Variants in GRK1 observed in about 807,000 individuals in gnomAD.
GRK1 encodes G protein-coupled receptor kinase 1.
In GRK1, 28 loss-of-function variants were observed where a neutral mutation model predicts 41.7. The observed-to-expected ratio is 0.67, with a 90% confidence interval of 0.50 to 0.92. GRK1 has a LOEUF of 0.92. GRK1 is among the 40% of genes least tolerant of loss of function. The probability of loss-of-function intolerance (pLI) is 0.00; values close to 1 mark genes in which losing one functional copy is unlikely to be tolerated. For missense variants in GRK1, 703 were observed against 671.2 expected (o/e 1.05, Z -0.52); for synonymous variants, 327 against 286.7 (o/e 1.14, Z -1.42).
the GRK1 span, among the ~76,000 whole-genome samples, chr13:113,654,413 C>T: frequency 1.1e-4 from 17 of 152,240 alleles, no homozygotes; most frequent in East Asian, 1.9e-4. Context: ...CGGGTGTGCT[C>T]CTTGGAAACT....
chr13:113,669,176 C>T (rs138762361), intron 1 of GRK1, among the ~76,000 whole-genome samples: 27 of 152,362 alleles, frequency 1.8e-4, no homozygotes, highest in Admixed American at 8.5e-4. Flanking sequence ...GGGCCTCCGA[C>T]ATCAGGAATT....
In GRK1 at chr13:113,671,524, G is replaced by C. The variant is rs775191935; in HGVS notation, c.853G>C (p.Glu285Gln). 3.8e-6 allele frequency: 3 copies of C among 779,456 alleles called. No individual in the cohort carries two copies. The allele number at this position is 779,456 out of a possible 1,614,324, so 48.3% of individuals were successfully genotyped here. A position where few individuals can be genotyped will look rare whatever the true frequency, so the allele number is the denominator to read the frequency against. ...GTACCACATCTACAACGTGAATGAG[G>C]AGAACCCTGGCTTCCCGGAGCCGCG... Reference protein sequence around the residue: ...IRYHIYNVNEENPGFPEPRAL... With the variant: ...IRYHIYNVNEQNPGFPEPRAL... The change falls in exon 3 of 7, where the codon GAG becomes CAG. Residue 285 changes from glutamate (E) to glutamine (Q), a missense_variant. Physicochemically the swap from Glu to Gln is conservative, Grantham distance 29 (BLOSUM62 2). Transcript: ENST00000335678. This position sits in a 1 kb window ranked among gnomAD's most constrained non-coding sequence, Gnocchi z 4.1.
the GRK1 span, among the ~76,000 whole-genome samples, chr13:113,648,538 G>A: frequency 1.3e-5 from 2 of 152,214 alleles, no homozygotes; most frequent in Non-Finnish European, 2.9e-5. Flanking sequence ...AGCAAGAGCA[G>A]GTTTGCTTGT....
At chr13:113,669,212 C>G (rs1376204797) in intron 1 of GRK1, among the ~76,000 whole-genome samples, 1 of 152,208 alleles carries the variant, frequency 6.6e-6, no homozygotes, top group African/African-American at 2.4e-5. Flanking sequence ...GATGTGCTAT[C>G]CTTATCCAGA....
In GRK1 at chr13:113,735,191, A is replaced by G; in HGVS notation, c.1520A>G (p.Gln507Arg). 3 of 1,537,226 alleles carry G rather than the reference A, an allele frequency of 2.0e-6. No individual in the cohort carries two copies. Among genetic ancestry groups the G allele is most frequent in the Non-Finnish European group, 1.7e-6 (2 of 1,146,904 alleles). Residue 507 changes from glutamine (Q) to arginine (R), a missense_variant, in exon 7 of 7, where the codon CAG (glutamine) becomes CGG (arginine). Transcript: ENST00000335678. ...GACAAAACAGACACAGAATTCTTTC[A>G]GGAATTTGCCACTGGCAACTGCCCC... ...AFDKTDTEFF[Q>R]EFATGNCPIP...
the GRK1 span, among the ~76,000 whole-genome samples, chr13:113,651,149 C>T: frequency 2.6e-5 from 4 of 151,752 alleles, no homozygotes; most frequent in Non-Finnish European, 5.9e-5. Context: ...GAAACCTTTG[C>T]CTTTGGGTGT....
chr13:113,661,011 T>C, the GRK1 span, among the ~76,000 whole-genome samples: 1 of 152,250 alleles, frequency 6.6e-6, no homozygotes, highest in Non-Finnish European at 1.5e-5. Context: ...ACCAACAGGA[T>C]GTCATTGACA....
At position 113,667,440 on chromosome 13, in the gene GRK1, C is replaced by A. The variant is rs189155712; in HGVS notation, c.54C>A (p.Ala18=). ...TVVANSAFIA[A]RGSFDGSSSQ... ...TGGCCAACTCTGCCTTCATCGCCGC[C>A]CGAGGCAGCTTTGACGGCAGCAGCT... The change falls in exon 1 of 7, where the codon GCC becomes GCA. Residue 18 remains alanine (A), a synonymous_variant. Transcript: ENST00000335678. This position sits in a 1 kb window ranked among gnomAD's most constrained non-coding sequence, Gnocchi z 7.5. The A allele has an allele frequency of 4.5e-5, 72 of 1,606,254 alleles. No individual in the cohort carries two copies. The East Asian group carries it at 1.6e-3, about 35-fold the overall frequency.
At chr13:113,733,652 C>CGTGT (rs1315693149) in intron 6 of GRK1, among the ~76,000 whole-genome samples, 1 of 79,582 alleles carries the variant, frequency 1.3e-5, no homozygotes. Flanking sequence ...TGTGTGCATA[C>CGTGT]GTGTGTGTGC....
rs2049825954 is a variant in GRK1, at chr13:113,667,447, A to C, written c.61A>C (p.Ser21Arg). ...CTCTGCCTTCATCGCCGCCCGAGGCAGCTTTGACGGCAGCAGCTCCCAACC... is the reference window on the plus strand; with the variant it reads ...CTCTGCCTTCATCGCCGCCCGAGGCCGCTTTGACGGCAGCAGCTCCCAACC... ...ANSAFIAARG[S>R]FDGSSSQPSR... Residue 21 changes from serine to arginine, a missense_variant, in exon 1 of 7, where the codon AGC becomes CGC. Ser to Arg is a moderately radical substitution (Grantham distance 110). Coordinates refer to ENST00000335678, the MANE Select transcript of GRK1 (RefSeq NM_002929.3). The surrounding 1 kb of genome is among the most constrained non-coding windows in gnomAD (Gnocchi z 7.5). 1.2e-6 allele frequency: 2 copies of C among 1,607,380 alleles called. No individual in the cohort carries two copies. The highest frequency in any genetic ancestry group is 8.5e-7 in the Non-Finnish European group (1 of 1,175,932).
chr13:113,653,146 C>T, the GRK1 span: 1 of 1,535,852 alleles, frequency 6.5e-7, no homozygotes, highest in Non-Finnish European at 8.8e-7. Context: ...GAAGGCCTTG[C>T]AAGCCCTGAG....
Position 113,737,637 on chromosome 13 carries a change from T to C in GRK1, c.*2274T>C, listed in dbSNP as rs2050014440. On this transcript the variant is annotated 3_prime_UTR_variant, in exon 7 of 7. Transcript: ENST00000335678. Reference sequence around the variant, plus strand: ...CAGAACTCCACATCGTCTGGTTTTGTGGAGACTTTCATATGTCCTGTCAAG... The same window carrying C: ...CAGAACTCCACATCGTCTGGTTTTGCGGAGACTTTCATATGTCCTGTCAAG... 6.4e-6 allele frequency: 1 copy of C among 155,994 alleles called. No homozygotes were observed. Among genetic ancestry groups the C allele is most frequent in the African/African-American group, 2.4e-5 (1 of 41,534 alleles). 9.7% of individuals were successfully genotyped at this position (155,994 alleles called of 1,614,324 possible).
rs2050003335 is a variant in GRK1, at chr13:113,736,258, T to G, written c.*895T>G. 1 of 152,320 alleles carries G rather than the reference T, an allele frequency of 6.6e-6. No homozygotes were observed. The highest frequency in any genetic ancestry group is 6.5e-5 in the Admixed American group (1 of 15,290). 9.4% of individuals were successfully genotyped at this position (152,320 alleles called of 1,614,324 possible). A position where few individuals can be genotyped will look rare whatever the true frequency, so the allele number is the denominator to read the frequency against. Reference sequence around the variant, plus strand: ...TTTGCTCTCTGACCCTCCTCCCCACTGGGGCTGGTCCGTCTCATCTCCCAG... The same window carrying G: ...TTTGCTCTCTGACCCTCCTCCCCACGGGGGCTGGTCCGTCTCATCTCCCAG... On this transcript the variant is annotated 3_prime_UTR_variant, in exon 7 of 7. Coordinates refer to ENST00000335678, the MANE Select transcript of GRK1 (RefSeq NM_002929.3).
chr13:113,654,383 G>C, the GRK1 span, among the ~76,000 whole-genome samples: 4 of 152,288 alleles, frequency 2.6e-5, no homozygotes, highest in East Asian at 5.8e-4. Flanking sequence ...TGACCAGCGG[G>C]CTCTTTTCTG....
the GRK1 span, among the ~76,000 whole-genome samples, chr13:113,662,104 A>G: frequency 1.3e-5 from 2 of 152,272 alleles, no homozygotes; most frequent in South Asian, 2.1e-4. Flanking sequence ...CCAACAAAGT[A>G]TAAAAAGCAA....
upstream of GRK1, among the ~76,000 whole-genome samples, chr13:113,664,735 CTCTT>C (rs1471735687): frequency 7.9e-5 from 12 of 152,130 alleles, no homozygotes; most frequent in Admixed American, 7.9e-4. The surrounding 1 kb of genome is among the most constrained non-coding windows in gnomAD (Gnocchi z 5.4). Context: ...CTGAAGCAGA[CTCTT>C]TATTCCAGCA....
At chr13:113,734,005 TGTGCGTG>T in intron 6 of GRK1, among the ~76,000 whole-genome samples, 1 of 134,246 alleles carries the variant, frequency 7.4e-6, no homozygotes, top group African/African-American at 3.7e-5. Flanking sequence ...TGTGTGTGCG[TGTGCGTG>T]CATGTGTGTG....
intron 1 of GRK1, 82 bp downstream of exon 1, chr13:113,668,167 A>G (rs1253797524): frequency 3.5e-6 from 5 of 1,416,158 alleles, no homozygotes; most frequent in Non-Finnish European, 4.8e-6. Flanking sequence ...CCCCCAGGTC[A>G]CTGTCGGCTC....
chr13:113,650,327 G>C, the GRK1 span: 9 of 1,327,116 alleles, frequency 6.8e-6, no homozygotes, highest in Non-Finnish European at 9.7e-6. The surrounding 1 kb of genome is among the most constrained non-coding windows in gnomAD (Gnocchi z 5.0). Context: ...CTACATGAAG[G>C]GGCTTATTGC....
Sources: allele counts gnomAD v4.1 joint callset (sites outside exome capture counted in the v4.1 genomes callset), GRCh38; gene constraint gnomAD v4.1.1; non-coding constraint Gnocchi (gnomAD v3.1); transcripts MANE v1.5; gene names NCBI Gene and HGNC (gene_info 2026-07-23, HGNC 2026-07-21).